Variants in ART3 observed in about 807,000 individuals in gnomAD.
The protein encoded by ART3 is ecto-ADP-ribosyltransferase 3.
ART3 carries 49 observed loss-of-function variants against 48.5 expected under a neutral mutation model. The ratio of observed to expected loss-of-function variants is 1.01; its 90% CI spans 0.80 to 1.28. ART3 has a LOEUF of 1.28. ART3 is among the 50% of genes most tolerant of loss of function. The probability of loss-of-function intolerance (pLI) is 0.00; values close to 1 mark genes in which losing one functional copy is unlikely to be tolerated. For missense variants in ART3, 438 were observed against 454.3 expected (o/e 0.96, Z 0.33); for synonymous variants, 145 against 157.2 (o/e 0.92, Z 0.58).
Position 76,104,343 on chromosome 4 carries a change from C to T in ART3, c.971-254C>T, listed in dbSNP as rs895284716. ...TTGGCTAACATCTCATTGCCTGTAT[C>T]TCCAGGTAACAAAACACGATATTCT... On this transcript the variant is annotated intron_variant, in intron 9 of 11. Transcript: ENST00000355810. 11 of 985,064 alleles carry T rather than the reference C, an allele frequency of 1.1e-5. No homozygotes were observed. The South Asian group carries it at 5.2e-4, about 46-fold the overall frequency. The allele number at this position is 985,064 out of a possible 1,614,324, so 61.0% of individuals were successfully genotyped here.
rs560510728 is a variant in ART3, at chr4:76,109,461, TTTATAG to T, written c.1036+1672_1036+1677del. On this transcript the variant is annotated intron_variant, in intron 11 of 11. Transcript: ENST00000355810. The stretch of plus-strand genomic sequence containing the variant: ...TCCTGAAGGACCTGCCTCAGGCTGT[TTTATAG>T]TTAACGTTTTTTAATAAGTTGAAGG... Among the ~76,000 whole-genome samples the T allele has an allele frequency of 2.0e-4, 30 of 152,256 alleles. 1 individual carries two copies. The South Asian group carries it at 5.8e-3, about 29-fold the overall frequency.
intron 2 of ART3, among the ~76,000 whole-genome samples, chr4:76,078,395 A>C (rs533216647): frequency 4.6e-5 from 7 of 152,202 alleles, no homozygotes; most frequent in Admixed American, 3.3e-4. Context: ...TACGGTGTTG[A>C]AGTCTTGAAG....
At chr4:76,018,139 G>A (rs1232697031) in intron 1 of ART3, among the ~76,000 whole-genome samples, 6 of 152,118 alleles carry the variant, frequency 3.9e-5, no homozygotes, top group Non-Finnish European at 4.4e-5. Context: ...ATAAAGACAC[G>A]TGCACATGTA....
intron 1 of ART3, chr4:76,033,537 C>T (rs951543481): frequency 2.0e-5 from 3 of 151,948 alleles, no homozygotes; most frequent in Admixed American, 6.6e-5. Flanking sequence ...CCCCCAAGGC[C>T]GACAAAAGAA....
intron 2 of ART3, among the ~76,000 whole-genome samples, chr4:76,080,145 C>T (rs902098438): frequency 3.3e-5 from 5 of 152,098 alleles, no homozygotes; most frequent in Non-Finnish European, 7.4e-5. Flanking sequence ...AATGGTATTC[C>T]TGGGGAGATT....
intron 1 of ART3, chr4:76,037,008 C>A: frequency 5.6e-6 from 1 of 179,270 alleles, no homozygotes; most frequent in South Asian, 1.3e-4. Context: ...TGCTCACATT[C>A]TTGGTCACCT....
At chr4:76,101,043 G>A (rs777424834) in intron 8 of ART3, 24 bp downstream of exon 8, 1 of 1,612,410 alleles carries the variant, frequency 6.2e-7, no homozygotes, top group Non-Finnish European at 8.5e-7. Context: ...GTAAATTCTG[G>A]GGGCTTACAT....
At chr4:76,068,679 G>C (rs1398489694) in intron 1 of ART3, among the ~76,000 whole-genome samples, 1 of 151,996 alleles carries the variant, frequency 6.6e-6, no homozygotes, top group African/African-American at 2.4e-5. Context: ...AAAAATAACT[G>C]TTGTGTACTA....
chr4:76,014,063 TA>T (rs1221095006), intron 1 of ART3, among the ~76,000 whole-genome samples: 3 of 151,838 alleles, frequency 2.0e-5, no homozygotes, highest in East Asian at 1.9e-4. Flanking sequence ...CCTTCATAAT[TA>T]AAAAAAAGAA....
chr4:76,098,911 A>G, intron 4 of ART3, 44 bp from the exon 5 acceptor site: 1 of 1,524,684 alleles, frequency 6.6e-7, no homozygotes, highest in East Asian at 2.3e-5. Flanking sequence ...TGACATTCAC[A>G]TCTGAGCATA....
intron 1 of ART3, among the ~76,000 whole-genome samples, chr4:76,011,894 T>C (rs1274127009): frequency 6.6e-6 from 1 of 152,216 alleles, no homozygotes; most frequent in Non-Finnish European, 1.5e-5. Context: ...GAAAATCCCA[T>C]TGATCGTTGC....
chr4:76,015,083 G>A (rs966695325), intron 1 of ART3, among the ~76,000 whole-genome samples: 1 of 152,162 alleles, frequency 6.6e-6, no homozygotes, highest in African/African-American at 2.4e-5. Flanking sequence ...GAAATGAAAG[G>A]ATACTAACTC....
At chr4:76,101,953 G>T (rs146646974) in intron 8 of ART3, among the ~76,000 whole-genome samples, 1 of 152,130 alleles carries the variant, frequency 6.6e-6, no homozygotes. Flanking sequence ...TGAACACAAA[G>T]ATTTGTGTAC....
intron 4 of ART3, 46 bp downstream of exon 4, chr4:76,097,722 G>A (rs751681230): frequency 6.7e-7 from 1 of 1,490,184 alleles, no homozygotes; most frequent in Admixed American, 1.7e-5. Context: ...AATTTTATCA[G>A]TTACTTCTCA....
chr4:76,068,268 T>C (rs1719940247), intron 1 of ART3, among the ~76,000 whole-genome samples: 2 of 152,202 alleles, frequency 1.3e-5, no homozygotes, highest in African/African-American at 4.8e-5. Flanking sequence ...AATCATGATA[T>C]AAAACATTTC....
At chr4:76,021,807 T>G (rs953813423) in intron 1 of ART3, 2 of 952,316 alleles carry the variant, frequency 2.1e-6, no homozygotes, top group Non-Finnish European at 3.4e-6. Context: ...CACCTTTTAG[T>G]GTAACTGCAA....
intron 11 of ART3, among the ~76,000 whole-genome samples, chr4:76,110,749 AT>A (rs968768616): frequency 6.6e-6 from 1 of 152,024 alleles, no homozygotes; most frequent in Middle Eastern, 3.2e-3. Flanking sequence ...TTATACATGG[AT>A]TTTTTTTAAA....
intron 1 of ART3, among the ~76,000 whole-genome samples, chr4:76,069,122 G>C (rs1436207847): frequency 6.8e-6 from 1 of 146,194 alleles, no homozygotes; most frequent in African/African-American, 2.8e-5. Flanking sequence ...GTCATGCTGG[G>C]AAAGGCAAAA....
chr4:76,105,952 C>T, intron 10 of ART3: 1 of 984,748 alleles, frequency 1.0e-6, no homozygotes, highest in Non-Finnish European at 1.2e-6. Context: ...CCTCACCACA[C>T]TCTACAATCG....
Sources: allele counts gnomAD v4.1 joint callset (sites outside exome capture counted in the v4.1 genomes callset), GRCh38; gene constraint gnomAD v4.1.1; transcripts MANE v1.5; gene names NCBI Gene and HGNC (gene_info 2026-07-23, HGNC 2026-07-21).